Variants in APAF1 observed in about 807,000 individuals in gnomAD.
APAF1 encodes apoptotic peptidase activating factor 1.
A neutral mutation model predicts 152.4 loss-of-function variants in APAF1; 91 were observed. The ratio of observed to expected loss-of-function variants is 0.60; its 90% CI spans 0.50 to 0.71. The LOEUF (loss-of-function observed/expected upper bound fraction) is 0.71. Ranked by LOEUF, APAF1 falls within the 30% of genes least tolerant of loss-of-function variation. The pLI, the probability that APAF1 is intolerant of heterozygous loss-of-function variation, is 0.00. For synonymous variants in APAF1, 484 were observed against 494.1 expected, an observed-to-expected ratio of 0.98 and a Z score of 0.27; for missense variants, 1,283 against 1,472.0, an observed-to-expected ratio of 0.87 and a Z score of 2.10.
chr12:98,667,425 A>G (rs1211635310), intron 9 of APAF1, 88 bp from the exon 10 acceptor site: 3 of 1,539,094 alleles, frequency 1.9e-6, no homozygotes, highest in Non-Finnish European at 2.7e-6. Context: ...CTCTCTGTAC[A>G]TTCTTAATAG....
At chr12:98,646,807 G>T (rs888241489) in intron 1 of APAF1, among the ~76,000 whole-genome samples, 2 of 152,168 alleles carry the variant, frequency 1.3e-5, no homozygotes, top group Non-Finnish European at 2.9e-5. Flanking sequence ...AAATAAAGTT[G>T]CTAGAAACGT....
chr12:98,723,212 A>G lies in APAF1; in HGVS notation c.3104A>G (p.Asp1035Gly), dbSNP rs771239250. Residue 1035 changes from aspartate to glycine, a missense_variant, in exon 23 of 27, where the codon GAC becomes GGC. By Grantham distance (94) the Asp-to-Gly change is moderately conservative. Transcript: ENST00000551964. Reference protein sequence around the residue: ...AEIQVWNWQLDKCIFLRGHQE... With the variant: ...AEIQVWNWQLGKCIFLRGHQE... Reference sequence around the variant, plus strand: ...ATTCAGGTATGGAATTGGCAATTGGACAAATGTATCTTTCTACGAGGCCAT... The same window carrying G: ...ATTCAGGTATGGAATTGGCAATTGGGCAAATGTATCTTTCTACGAGGCCAT... 1.2e-6 allele frequency: 2 copies of G among 1,613,664 alleles called. No homozygotes were observed. The highest frequency in any genetic ancestry group is 4.5e-5 in the East Asian group (2 of 44,824).
At position 98,735,251 on chromosome 12, in the gene APAF1, A is replaced by G. The variant is rs2097767853; in HGVS notation, c.*2685A>G. The G allele has an allele frequency of 2.5e-5, 10 of 399,040 alleles. No homozygotes were observed. In the South Asian group the frequency reaches 8.8e-4, roughly 35 times the overall value. The allele number at this position is 399,040 out of a possible 1,614,324, so 24.7% of individuals were successfully genotyped here. A position where few individuals can be genotyped will look rare whatever the true frequency, so the allele number is the denominator to read the frequency against. On this transcript the variant is annotated 3_prime_UTR_variant, in exon 27 of 27. Coordinates refer to ENST00000551964, the MANE Select transcript of APAF1 (RefSeq NM_181861.2). ...ATTTTCCCTTGCTGTATTTTTTTGTATTATAAATTACATTGGACTTCATAT... is the reference window on the plus strand; with the variant it reads ...ATTTTCCCTTGCTGTATTTTTTTGTGTTATAAATTACATTGGACTTCATAT...
intron 4 of APAF1, among the ~76,000 whole-genome samples, chr12:98,657,807 C>T (rs1015570157): frequency 2.6e-5 from 4 of 152,152 alleles, no homozygotes; most frequent in Non-Finnish European, 5.9e-5. Flanking sequence ...CTTTTCTATT[C>T]TTCAGTTTCC....
intron 5 of APAF1, among the ~76,000 whole-genome samples, chr12:98,661,992 A>G (rs1462563633): frequency 6.6e-6 from 1 of 152,196 alleles, no homozygotes; most frequent in Non-Finnish European, 1.5e-5. Context: ...CTTTTAGATT[A>G]CAACATATGA....
At chr12:98,710,573 A>G (rs1433988949) in intron 20 of APAF1, among the ~76,000 whole-genome samples, 1 of 152,170 alleles carries the variant, frequency 6.6e-6, no homozygotes, top group Non-Finnish European at 1.5e-5. Context: ...ACAGAGTTTA[A>G]TGAGTTGTCA....
chr12:98,677,492 G>A lies in APAF1; in HGVS notation c.1861G>A (p.Ala621Thr). The A allele has an allele frequency of 1.2e-6, 2 of 1,614,082 alleles. No homozygotes were observed. The highest frequency in any genetic ancestry group is 8.5e-7 in the Non-Finnish European group (1 of 1,179,990). The part of the protein sequence containing the change: ...VRPHTDAVYH[A>T]CFSEDGQRIA... ...CCCCCACACAGATGCTGTTTACCAT[G>A]CCTGCTTTTCTGAGGATGGTCAGAG... Residue 621 changes from alanine (A) to threonine (T), a missense_variant, in exon 13 of 27, where the codon GCC becomes ACC. By Grantham distance (58) the Ala-to-Thr change is moderately conservative (BLOSUM62 0). Coordinates refer to ENST00000551964, the MANE Select transcript of APAF1 (RefSeq NM_181861.2).
intron 5 of APAF1, among the ~76,000 whole-genome samples, chr12:98,659,805 C>T (rs557229561): frequency 6.6e-6 from 1 of 150,710 alleles, no homozygotes; most frequent in East Asian, 2.0e-4. Flanking sequence ...CATTGCTTTC[C>T]TGCTTTTCTC....
chr12:98,676,860 G>A (rs555171028), intron 12 of APAF1, among the ~76,000 whole-genome samples: 3 of 152,096 alleles, frequency 2.0e-5, no homozygotes, highest in South Asian at 2.1e-4. Flanking sequence ...GGCCAGGCTG[G>A]TCTTGAACTC....
chr12:98,659,237 CTT>C lies in APAF1; in HGVS notation c.606_607del (p.Cys203HisfsTer7). 2 of 1,614,196 alleles carry C rather than the reference CTT, an allele frequency of 1.2e-6. No homozygotes were observed. The highest frequency in any genetic ancestry group is 1.7e-6 in the Non-Finnish European group (2 of 1,180,022). ...KSGLLMKLQN[L>X]CTRLDQDESF... ...TGGGCTTCTGATGAAACTGCAGAATCTTTGCACACGGTTGGATCAGGATGAGA... is the reference window on the plus strand; with the variant it reads ...TGGGCTTCTGATGAAACTGCAGAATCTGCACACGGTTGGATCAGGATGAGA... On this transcript the variant is annotated frameshift_variant, in exon 5 of 27. Transcript: ENST00000551964. LOFTEE classifies it high-confidence loss of function.
chr12:98,664,752 C>T (rs1391111178), intron 7 of APAF1, among the ~76,000 whole-genome samples: 1 of 152,062 alleles, frequency 6.6e-6, no homozygotes, highest in African/African-American at 2.4e-5. Flanking sequence ...CCAGGCAGGT[C>T]TCAAACTTCT....
intron 26 of APAF1, 102 bp downstream of exon 26, chr12:98,727,418 C>T: frequency 7.3e-7 from 1 of 1,378,418 alleles, no homozygotes; most frequent in Non-Finnish European, 1.0e-6. Flanking sequence ...TACAACCCAG[C>T]AGAGTAAAAA....
intron 4 of APAF1, among the ~76,000 whole-genome samples, chr12:98,654,206 G>C (rs1197950231): frequency 6.6e-6 from 1 of 152,078 alleles, no homozygotes; most frequent in Non-Finnish European, 1.5e-5. Context: ...ATATCAGATG[G>C]TCATTTGGTC....
intron 1 of APAF1, among the ~76,000 whole-genome samples, chr12:98,647,269 AT>A (rs1482063225): frequency 4.0e-5 from 6 of 150,724 alleles, no homozygotes; most frequent in Non-Finnish European, 8.9e-5. Flanking sequence ...AAAAAAAAAA[AT>A]AAGACAAGGT....
intron 21 of APAF1, among the ~76,000 whole-genome samples, chr12:98,714,916 G>T (rs1593103446): frequency 7.3e-6 from 1 of 136,806 alleles, no homozygotes; most frequent in African/African-American, 2.7e-5. Flanking sequence ...ATTAGTCTTT[G>T]GCCCTCTTAA....
At chr12:98,667,682 C>T in intron 10 of APAF1, 38 bp downstream of exon 10, 2 of 1,605,550 alleles carry the variant, frequency 1.2e-6, no homozygotes, top group South Asian at 1.1e-5. Flanking sequence ...TATCTGACTT[C>T]CCTTTTTCCA....
Position 98,666,223 on chromosome 12 carries a change from G to C in APAF1, c.1228G>C (p.Glu410Gln), listed in dbSNP as rs780618856. 1 of 1,613,964 alleles carries C rather than the reference G, an allele frequency of 6.2e-7. No individual in the cohort carries two copies. The highest frequency in any genetic ancestry group is 1.1e-5 in the South Asian group (1 of 91,080). Residue 410 changes from glutamate (E) to glutamine (Q), a missense_variant, in exon 9 of 27, where the codon GAA becomes CAA. Coordinates refer to ENST00000551964, the MANE Select transcript of APAF1 (RefSeq NM_181861.2). ...TATTCTCTGGGACATGGAAACTGAA[G>C]AAGTTGAAGACATACTGCAGGAGTT... is the stretch of plus-strand genomic sequence containing the variant. ...LCILWDMETE[E>Q]VEDILQEFVN...
chr12:98,668,151 T>C (rs1040994461), intron 10 of APAF1, among the ~76,000 whole-genome samples: 1 of 152,216 alleles, frequency 6.6e-6, no homozygotes, highest in Non-Finnish European at 1.5e-5. Context: ...TATTTTGCTT[T>C]GCTGTCCTGT....
chr12:98,723,847 T>A, intron 24 of APAF1, 83 bp downstream of exon 24: 1 of 1,396,524 alleles, frequency 7.2e-7, no homozygotes, highest in Non-Finnish European at 1.0e-6. Context: ...CAAAAGGACA[T>A]AACAGTTGCT....
Sources: allele counts gnomAD v4.1 joint callset (sites outside exome capture counted in the v4.1 genomes callset), GRCh38; gene constraint gnomAD v4.1.1; transcripts MANE v1.5; gene names NCBI Gene and HGNC (gene_info 2026-07-23, HGNC 2026-07-21).